The following OAS3 variants were observed in gnomAD, a reference collection of about 807,000 sequenced individuals.
OAS3 encodes the protein 2'-5'-oligoadenylate synthase 3.
In OAS3, 107 loss-of-function variants were observed where a neutral mutation model predicts 113.0. That is an observed-to-expected ratio of 0.95 (90% confidence interval 0.81 to 1.11). The LOEUF is 1.11. OAS3 is among the 50% of genes most tolerant of loss of function. The pLI, the probability that OAS3 is intolerant of heterozygous loss-of-function variation, is 0.00. For synonymous variants in OAS3, 552 were observed against 573.6 expected (o/e 0.96, Z 0.54); for missense variants, 1,258 against 1,389.1 (o/e 0.91, Z 1.50).
intron 14 of OAS3, 104 bp downstream of exon 14, chr12:112,968,278 C>T (rs893293798): frequency 1.7e-5 from 24 of 1,383,332 alleles, no homozygotes; most frequent in South Asian, 4.8e-5. Flanking sequence ...CTTCCTAGAA[C>T]GGATTCCTTC....
Position 112,961,662 on chromosome 12 carries a change from A to G in OAS3, c.1833+416A>G, listed in dbSNP as rs1464977154. 5.9e-5 allele frequency among the ~76,000 whole-genome samples: 9 copies of G among 152,242 alleles called. 1 individual carries two copies. Among genetic ancestry groups the G allele is most frequent in the Non-Finnish European group, 1.3e-4 (9 of 68,046 alleles). The stretch of plus-strand genomic sequence containing the variant: ...TATGGTAAGGGCCTGTCCAAGACAG[A>G]AAAACCAGAGCACTTGAACAGAAAA... On this transcript the variant is annotated intron_variant, in intron 8 of 15. Transcript: ENST00000228928.
chr12:112,953,922 T>C (rs1565978159), intron 7 of OAS3, among the ~76,000 whole-genome samples: 1 of 152,250 alleles, frequency 6.6e-6, no homozygotes, highest in Non-Finnish European at 1.5e-5. Context: ...GTAAAAATTT[T>C]CTCCCATTCT....
At chr12:112,968,757 C>CT (rs5800978) in intron 14 of OAS3, among the ~76,000 whole-genome samples, 118,834 of 152,156 alleles carry the variant, frequency 0.78, 47,477 homozygotes, top group African/African-American at 0.94. Context: ...CTCAAGTGAT[C>CT]GCCTGCCTAG....
In OAS3 at chr12:112,972,644, A is replaced by G. The variant is rs2043995035; in HGVS notation, c.*2671A>G. On this transcript the variant is annotated 3_prime_UTR_variant, in exon 16 of 16. Coordinates refer to ENST00000228928, the MANE Select transcript of OAS3 (RefSeq NM_006187.4). ...ACTATGAAGCCTCTGATACTTAAACAGCATGGCGCTGGTACGTAAATAGAC... is the reference window on the plus strand; with the variant it reads ...ACTATGAAGCCTCTGATACTTAAACGGCATGGCGCTGGTACGTAAATAGAC... 1 of 152,256 alleles carries G rather than the reference A, an allele frequency of 6.6e-6. No individual in the cohort carries two copies. Among genetic ancestry groups the G allele is most frequent in the African/African-American group, 2.4e-5 (1 of 41,464 alleles). The allele number at this position is 152,256 out of a possible 1,614,324, so 9.4% of individuals were successfully genotyped here. A position where few individuals can be genotyped will look rare whatever the true frequency, so the allele number is the denominator to read the frequency against.
At chr12:112,965,621 A>G in intron 11 of OAS3, 123 bp from the exon 12 acceptor site, 2 of 825,804 alleles carry the variant, frequency 2.4e-6, no homozygotes, top group Non-Finnish European at 3.7e-6. Flanking sequence ...CATATTAAAG[A>G]TCTAACACAG....
intron 12 of OAS3, among the ~76,000 whole-genome samples, chr12:112,966,452 C>T (rs1274396923): frequency 1.3e-5 from 2 of 152,202 alleles, no homozygotes; most frequent in Non-Finnish European, 2.9e-5. Context: ...TCATTCAATA[C>T]ATGCATCTAC....
chr12:112,948,081 G>T lies in OAS3; in HGVS notation c.1011G>T (p.Val337=), dbSNP rs1270959664. The part of the protein sequence containing the change: ...PCFLRGMGDP[V]QSWKGPGLPR... ...TTCTGAGGGGGATGGGGGACCCAGT[G>T]CAGTCTTGGAAGGGGCCGGTAAGTG... The change falls in exon 5 of 16, where the codon GTG becomes GTT. Residue 337 remains valine (V), a synonymous_variant. Coordinates refer to ENST00000228928, the MANE Select transcript of OAS3 (RefSeq NM_006187.4). The T allele has an allele frequency of 6.4e-7, 1 of 1,556,862 alleles. No individual in the cohort carries two copies. The highest frequency in any genetic ancestry group is 1.2e-5 in the South Asian group (1 of 82,648).
intron 6 of OAS3, chr12:112,950,488 C>T (rs2043778547): frequency 1.7e-6 from 1 of 605,496 alleles, no homozygotes; most frequent in East Asian, 2.8e-5. Flanking sequence ...GATCAGAGGG[C>T]AGGTGCAGGC....
At position 112,967,465 on chromosome 12, in the gene OAS3, C is replaced by A; in HGVS notation, c.2737C>A (p.Leu913Ile). Residue 913 changes from leucine to isoleucine, a missense_variant, in exon 13 of 16, where the codon CTC (leucine) becomes ATC (isoleucine). Coordinates refer to ENST00000228928, the MANE Select transcript of OAS3 (RefSeq NM_006187.4). ...GCCCAGCTCTCAAGTCTACGTCGAC[C>A]TCATCCACAGCTACAGCAATGCGGG... ...SRPSSQVYVD[L>I]IHSYSNAGEY... The A allele has an allele frequency of 6.2e-7, 1 of 1,613,686 alleles. No homozygotes were observed. The highest frequency in any genetic ancestry group is 8.5e-7 in the Non-Finnish European group (1 of 1,179,782).
At position 112,970,123 on chromosome 12, in the gene OAS3, T is replaced by C. The variant is rs2043971962; in HGVS notation, c.*150T>C. ...GCATGTGTGTGCACACGTGTGCATG[T>C]GTGTGTTTTAGTGAATCTGCTCTCC... is the stretch of plus-strand genomic sequence containing the variant. On this transcript the variant is annotated 3_prime_UTR_variant, in exon 16 of 16. Transcript: ENST00000228928. 1 of 914,392 alleles carries C rather than the reference T, an allele frequency of 1.1e-6. No individual in the cohort carries two copies. Among genetic ancestry groups the C allele is most frequent in the Non-Finnish European group, 1.7e-6 (1 of 576,948 alleles). 56.6% of individuals were successfully genotyped at this position (914,392 alleles called of 1,614,324 possible). A position where few individuals can be genotyped will look rare whatever the true frequency, so the allele number is the denominator to read the frequency against.
In OAS3 at chr12:112,950,584, C is replaced by CA. The variant is rs1484306894; in HGVS notation, c.1375-108dup. On this transcript the variant is annotated intron_variant, in intron 6 of 15. Coordinates refer to ENST00000228928, the MANE Select transcript of OAS3 (RefSeq NM_006187.4). ...TTGTCATAGTCCCCAGACCTGACAT[C>CA]AGCAAGAGGGCAGGTTCCAGGCTGT... 4.6e-6 allele frequency: 6 copies of CA among 1,302,408 alleles called. No homozygotes were observed. In the African/African-American group the frequency reaches 8.8e-5, roughly 19 times the overall value. 80.7% of individuals were successfully genotyped at this position (1,302,408 alleles called of 1,614,324 possible).
chr12:112,938,486 G>T lies in OAS3; in HGVS notation c.-45G>T, dbSNP rs766225294. The stretch of plus-strand genomic sequence containing the variant: ...GGAAAACGAAACCAGAAATCCGAAG[G>T]CCGCGCCAGAGCCCTGCTTCCCCTT... On this transcript the variant is annotated 5_prime_UTR_variant, in exon 1 of 16. Transcript: ENST00000228928. The T allele has an allele frequency of 3.3e-6, 5 of 1,494,578 alleles. No individual in the cohort carries two copies. The highest frequency in any genetic ancestry group is 4.4e-6 in the Non-Finnish European group (5 of 1,123,730). The allele number at this position is 1,494,578 out of a possible 1,614,324, so 92.6% of individuals were successfully genotyped here.
intron 1 of OAS3, 148 bp downstream of exon 1, chr12:112,938,855 G>A (rs1045495118): frequency 1.4e-6 from 1 of 700,440 alleles, no homozygotes; most frequent in East Asian, 3.2e-5. Flanking sequence ...TGCCAGCCCC[G>A]TGCTAACTCC....
intron 7 of OAS3, among the ~76,000 whole-genome samples, chr12:112,957,022 T>C (rs948453095): frequency 3.3e-5 from 5 of 152,246 alleles, no homozygotes; most frequent in African/African-American, 1.2e-4. Flanking sequence ...TGGGTGTTCC[T>C]GTATTGGGCG....
Position 112,971,275 on chromosome 12 carries a change from T to C in OAS3, c.*1302T>C, listed in dbSNP as rs572046570. On this transcript the variant is annotated 3_prime_UTR_variant, in exon 16 of 16. Transcript: ENST00000228928. ...GCTAATGCCACCACTACCCCTGCCA[T>C]CACTGCCCCACATGGACAAAACTGG... 172 of 153,122 alleles carry C rather than the reference T, an allele frequency of 1.1e-3. 4 individuals are homozygous for C. Among genetic ancestry groups the C allele is most frequent in the Non-Finnish European group, 2.1e-3 (144 of 68,384 alleles). 9.5% of individuals were successfully genotyped at this position (153,122 alleles called of 1,614,324 possible). A position where few individuals can be genotyped will look rare whatever the true frequency, so the allele number is the denominator to read the frequency against.
intron 13 of OAS3, 68 bp downstream of exon 13, chr12:112,967,661 A>C: frequency 2.0e-6 from 3 of 1,530,736 alleles, no homozygotes; most frequent in Non-Finnish European, 2.7e-6. Context: ...CTTTCCTGGG[A>C]GGAAGCAGGG....
At position 112,967,570 on chromosome 12, in the gene OAS3, C is replaced by G; in HGVS notation, c.2842C>G (p.Leu948Val). ...TACCAAGCTGAAGAGCCTGATCCGGCTGGTGAAGCACTGGTACCAGCAGGT... is the reference window on the plus strand; with the variant it reads ...TACCAAGCTGAAGAGCCTGATCCGGGTGGTGAAGCACTGGTACCAGCAGGT... ...RPTKLKSLIR[L>V]VKHWYQQCTK... Residue 948 changes from leucine (L) to valine (V), a missense_variant, in exon 13 of 16, where the codon CTG (leucine) becomes GTG (valine). Coordinates refer to ENST00000228928, the MANE Select transcript of OAS3 (RefSeq NM_006187.4). The G allele has an allele frequency of 4.3e-6, 7 of 1,613,700 alleles. No homozygotes were observed. Among genetic ancestry groups the G allele is most frequent in the Non-Finnish European group, 4.2e-6 (5 of 1,179,786 alleles).
chr12:112,957,711 A>C (rs946859203), intron 7 of OAS3, among the ~76,000 whole-genome samples: 5 of 152,210 alleles, frequency 3.3e-5, no homozygotes, highest in Admixed American at 2.0e-4. Flanking sequence ...ATCTGCTGTT[A>C]GTCTGATGGG....
At chr12:112,943,085 C>A (rs2043694297) in intron 2 of OAS3, among the ~76,000 whole-genome samples, 1 of 151,952 alleles carries the variant, frequency 6.6e-6, no homozygotes, top group African/African-American at 2.4e-5. Context: ...CAGGCATGCA[C>A]CACCATGCCT....
Sources: gnomAD v4.1 joint callset for allele counts (sites outside exome capture counted in the v4.1 genomes callset) on GRCh38, gnomAD v4.1.1 for gene constraint, MANE v1.5 for transcripts, NCBI Gene and HGNC (gene_info 2026-07-23, HGNC 2026-07-21) for gene names.